The following TEAD1 variants were observed in gnomAD, a reference collection of about 807,000 sequenced individuals.
TEAD1 encodes the protein TEA domain transcription factor 1.
In TEAD1, 9 loss-of-function variants were observed where a neutral mutation model predicts 54.9. The ratio of observed to expected loss-of-function variants is 0.16; its 90% CI spans 0.10 to 0.29. The LOEUF (loss-of-function observed/expected upper bound fraction) is 0.29. TEAD1 is among the 10% of genes least tolerant of loss of function. The pLI is 1.00. For missense variants in TEAD1, 387 were observed against 535.9 expected (o/e 0.72, Z 2.74); for synonymous variants, 200 against 187.8 (o/e 1.07, Z -0.53).
chr11:12,839,725 T>C (rs987690532), intron 3 of TEAD1, among the ~76,000 whole-genome samples: 1 of 152,084 alleles, frequency 6.6e-6, no homozygotes, highest in East Asian at 1.9e-4. Context: ...CTTCGCGTAA[T>C]GGAAGGGTTT....
chr11:12,736,596 C>T (rs1392204764), intron 2 of TEAD1, among the ~76,000 whole-genome samples: 1 of 152,104 alleles, frequency 6.6e-6, no homozygotes, highest in Non-Finnish European at 1.5e-5. Flanking sequence ...CAGTTGCAGG[C>T]ATAATCCTTA....
chr11:12,940,999 G>A lies in TEAD1; in HGVS notation c.*3777G>A, dbSNP rs1194660654. ...GTTGAGGCCAGAGGGGAGGTGACATGTTTAGAGTCACCCAGCTGGTTAGTG... is the reference window on the plus strand; with the variant it reads ...GTTGAGGCCAGAGGGGAGGTGACATATTTAGAGTCACCCAGCTGGTTAGTG... On this transcript the variant is annotated 3_prime_UTR_variant, in exon 13 of 13. Coordinates refer to ENST00000527636, the MANE Select transcript of TEAD1 (RefSeq NM_021961.6). 1 of 152,224 alleles carries A rather than the reference G, an allele frequency of 6.6e-6. No homozygotes were observed. The highest frequency in any genetic ancestry group is 1.9e-4 in the East Asian group (1 of 5,200). The allele number at this position is 152,224 out of a possible 1,614,324, so 9.4% of individuals were successfully genotyped here. A position where few individuals can be genotyped will look rare whatever the true frequency, so the allele number is the denominator to read the frequency against.
At chr11:12,775,532 C>G (rs1945399238) in intron 3 of TEAD1, among the ~76,000 whole-genome samples, 1 of 152,114 alleles carries the variant, frequency 6.6e-6, no homozygotes, top group South Asian at 2.1e-4. Context: ...GTATTTTATC[C>G]CGTTCCAGTG....
chr11:12,700,655 T>G (rs1362093016), intron 2 of TEAD1, among the ~76,000 whole-genome samples: 1 of 152,210 alleles, frequency 6.6e-6, no homozygotes, highest in Non-Finnish European at 1.5e-5. Flanking sequence ...CTCTCATTTA[T>G]TTTCCCTCAC....
chr11:12,944,074 A>G lies in TEAD1; in HGVS notation c.*6852A>G, dbSNP rs553012752. 22 of 152,676 alleles carry G rather than the reference A, an allele frequency of 1.4e-4. No homozygotes were observed. The highest frequency in any genetic ancestry group is 3.2e-4 in the Non-Finnish European group (22 of 68,022). 9.5% of individuals were successfully genotyped at this position (152,676 alleles called of 1,614,324 possible). The stretch of plus-strand genomic sequence containing the variant: ...TTCACATTCTAAATGACTTAATGGG[A>G]TTCTCACGGTCTGTGTCTTTGTGTC... On this transcript the variant is annotated 3_prime_UTR_variant, in exon 13 of 13. Transcript: ENST00000527636.
chr11:12,767,603 T>A (rs983305655), intron 3 of TEAD1, among the ~76,000 whole-genome samples: 2 of 152,196 alleles, frequency 1.3e-5, no homozygotes, highest in African/African-American at 4.8e-5. Context: ...AGGACAACTC[T>A]ATGATGAGGT....
At chr11:12,921,976 C>T (rs1020486290) in intron 10 of TEAD1, among the ~76,000 whole-genome samples, 2 of 152,074 alleles carry the variant, frequency 1.3e-5, no homozygotes, top group African/African-American at 4.8e-5. Context: ...ATCCAAAATG[C>T]AGAATGTGAG....
At chr11:12,870,557 C>A (rs1000429444) in intron 5 of TEAD1, among the ~76,000 whole-genome samples, 7 of 150,998 alleles carry the variant, frequency 4.6e-5, no homozygotes, top group African/African-American at 1.5e-4. Flanking sequence ...GGGATTTTCT[C>A]CCCCGCCCCC....
intron 3 of TEAD1, among the ~76,000 whole-genome samples, chr11:12,797,829 T>C (rs1945967512): frequency 1.3e-5 from 2 of 152,144 alleles, no homozygotes; most frequent in African/African-American, 4.8e-5. Flanking sequence ...CTACTATTTT[T>C]CAAAGCCCCT....
intron 12 of TEAD1, among the ~76,000 whole-genome samples, chr11:12,934,305 G>A (rs983450635): frequency 4.6e-5 from 7 of 152,002 alleles, no homozygotes; most frequent in East Asian, 1.9e-4. Context: ...ACCAAACACC[G>A]CATGTTCTCA....
chr11:12,855,702 G>A (rs1210207749), intron 3 of TEAD1, among the ~76,000 whole-genome samples: 1 of 151,956 alleles, frequency 6.6e-6, no homozygotes, highest in African/African-American at 2.4e-5. Flanking sequence ...CCAGCACTTT[G>A]GGAGGCCAAG....
At chr11:12,788,975 C>T (rs1945742186) in intron 3 of TEAD1, among the ~76,000 whole-genome samples, 2 of 152,136 alleles carry the variant, frequency 1.3e-5, no homozygotes, top group South Asian at 4.1e-4. Flanking sequence ...GTCTCAAGCC[C>T]CTGGCCTCAA....
chr11:12,900,322 A>G (rs1948404666), intron 9 of TEAD1, among the ~76,000 whole-genome samples: 1 of 152,142 alleles, frequency 6.6e-6, no homozygotes, highest in South Asian at 2.1e-4. Flanking sequence ...TGGCCTTCCA[A>G]AGTGCTGATA....
At chr11:12,866,812 C>G (rs1947627308) in intron 5 of TEAD1, among the ~76,000 whole-genome samples, 1 of 152,140 alleles carries the variant, frequency 6.6e-6, no homozygotes, top group Non-Finnish European at 1.5e-5. Context: ...ACTGAGTGTT[C>G]CAGGCATGGT....
At chr11:12,896,312 T>C (rs1361882469) in intron 9 of TEAD1, among the ~76,000 whole-genome samples, 1 of 152,168 alleles carries the variant, frequency 6.6e-6, no homozygotes, top group East Asian at 1.9e-4. Flanking sequence ...ACGGATCCAC[T>C]CTGGACTGGT....
chr11:12,907,868 A>G (rs1279070184), intron 10 of TEAD1, among the ~76,000 whole-genome samples: 1 of 152,194 alleles, frequency 6.6e-6, no homozygotes, highest in Non-Finnish European at 1.5e-5. Flanking sequence ...TGGCCTCTTC[A>G]GGGAGCACGG....
At position 12,881,995 on chromosome 11, in the gene TEAD1, C is replaced by G. The variant is rs756811345; in HGVS notation, c.574+38C>G. The G allele has an allele frequency of 4.4e-6, 7 of 1,606,074 alleles. No individual in the cohort carries two copies. In the South Asian group the frequency reaches 7.7e-5, roughly 18 times the overall value. ...GAAACTCCTTTTTGGGAGCACAGCCCCACACAGCTGACAGCTGGGTCTGGC... is the reference window on the plus strand; with the variant it reads ...GAAACTCCTTTTTGGGAGCACAGCCGCACACAGCTGACAGCTGGGTCTGGC... On this transcript the variant is annotated intron_variant, in intron 8 of 12. Coordinates refer to ENST00000527636, the MANE Select transcript of TEAD1 (RefSeq NM_021961.6).
chr11:12,875,065 C>T (rs1181836963), intron 5 of TEAD1, among the ~76,000 whole-genome samples: 2 of 152,200 alleles, frequency 1.3e-5, no homozygotes, highest in East Asian at 3.8e-4. Flanking sequence ...AGCATAATTC[C>T]GTATTAACCT....
chr11:12,886,153 T>C (rs959114749), intron 9 of TEAD1, among the ~76,000 whole-genome samples: 6 of 152,226 alleles, frequency 3.9e-5, no homozygotes, highest in African/African-American at 1.4e-4. Flanking sequence ...GTGATGAAGC[T>C]GAAGTGTATG....
Sources: gnomAD v4.1 joint callset for allele counts (sites outside exome capture counted in the v4.1 genomes callset) on GRCh38, gnomAD v4.1.1 for gene constraint, MANE v1.5 for transcripts, NCBI Gene and HGNC (gene_info 2026-07-23, HGNC 2026-07-21) for gene names.